Variants in PTPN2 observed in about 807,000 individuals in gnomAD.
PTPN2 encodes the protein protein tyrosine phosphatase non-receptor type 2, also known as tyrosine-protein phosphatase non-receptor type 2.
A neutral mutation model predicts 57.3 loss-of-function variants in PTPN2; 19 were observed. The ratio of observed to expected loss-of-function variants is 0.33; its 90% confidence interval spans 0.23 to 0.49. The LOEUF is 0.49. PTPN2 is among the 20% of genes least tolerant of loss of function. The pLI, the probability that PTPN2 is intolerant of heterozygous loss-of-function variation, is 0.99. For synonymous variants in PTPN2, 153 were observed against 164.9 expected (o/e 0.93, Z 0.55); for missense variants, 358 against 501.1 (o/e 0.71, Z 2.73).
chr18:12,816,477 A>G (rs1420194039), intron 6 of PTPN2, among the ~76,000 whole-genome samples: 1 of 152,210 alleles, frequency 6.6e-6, no homozygotes, highest in Admixed American at 6.5e-5. Flanking sequence ...TGATCCTATA[A>G]TAAGAGGAAG....
At chr18:12,873,500 G>A (rs976178440) in intron 1 of PTPN2, among the ~76,000 whole-genome samples, 2 of 152,222 alleles carry the variant, frequency 1.3e-5, no homozygotes, top group Non-Finnish European at 2.9e-5. Context: ...GTGTTGGCCG[G>A]GCTGGCCTCC....
intron 2 of PTPN2, chr18:12,840,730 G>A: frequency 6.3e-7 from 1 of 1,598,450 alleles, no homozygotes; most frequent in Non-Finnish European, 8.5e-7. Context: ...CCTGCATTCT[G>A]CATTCCATGT....
In PTPN2 at chr18:12,794,311, G is replaced by T; in HGVS notation, c.1215C>A (p.Gly405=). Residue 405 remains glycine, a synonymous_variant, in exon 9 of 9, where the codon GGC becomes GGA. Coordinates refer to ENST00000309660, the MANE Select transcript of PTPN2 (RefSeq NM_002828.4). The part of the protein sequence containing the change: ...MSVILVGAFV[G]WTLFFQQNAL ...CATTTTGCTGAAAAAACAGTGTCCA[G>T]CCAACAAAAGCGCCAACCAAAATGA... 1 of 1,614,142 alleles carries T rather than the reference G, an allele frequency of 6.2e-7. No homozygotes were observed. The highest frequency in any genetic ancestry group is 8.5e-7 in the Non-Finnish European group (1 of 1,180,006).
chr18:12,872,544 GACAA>G (rs2044303981), intron 1 of PTPN2, among the ~76,000 whole-genome samples: 1 of 152,154 alleles, frequency 6.6e-6, no homozygotes, highest in Non-Finnish European at 1.5e-5. Flanking sequence ...TTTGTTTTGA[GACAA>G]ACAGTGCTGG....
At chr18:12,788,078 C>A (rs2040886678), downstream of PTPN2, 1 of 154,792 alleles carries the variant, frequency 6.5e-6, no homozygotes. Context: ...GGTTCCCGCT[C>A]CTGAATTAAC....
At position 12,794,080 on chromosome 18, in the gene PTPN2, A is replaced by G; in HGVS notation, c.*198T>C. On this transcript the variant is annotated 3_prime_UTR_variant, in exon 9 of 9. Transcript: ENST00000309660. ...ATGTCTTTATTTTAGACAGCCATTT[A>G]CAGTTTGGGGTTCAGAGGAACCTGC... is the stretch of plus-strand genomic sequence containing the variant. 7.0e-7 allele frequency: 1 copy of G among 1,426,512 alleles called. No homozygotes were observed. 88.4% of individuals were successfully genotyped at this position (1,426,512 alleles called of 1,614,324 possible).
intron 2 of PTPN2, among the ~76,000 whole-genome samples, chr18:12,857,145 T>C (rs1405308011): frequency 1.3e-5 from 2 of 150,868 alleles, no homozygotes; most frequent in South Asian, 2.1e-4. Flanking sequence ...CATCCAATAA[T>C]TGCAATTACA....
At chr18:12,835,805 T>C (rs930471027) in intron 3 of PTPN2, among the ~76,000 whole-genome samples, 50 of 152,298 alleles carry the variant, frequency 3.3e-4, no homozygotes, top group African/African-American at 1.2e-3. Flanking sequence ...GCCCATTCCC[T>C]GGTTACTGAA....
intron 5 of PTPN2, among the ~76,000 whole-genome samples, chr18:12,818,058 C>G (rs1251926388): frequency 6.6e-6 from 1 of 152,142 alleles, no homozygotes. Context: ...AGGAGAATTG[C>G]TTGAACCTGG....
chr18:12,855,154 G>A (rs1473653722), intron 2 of PTPN2, among the ~76,000 whole-genome samples: 2 of 152,192 alleles, frequency 1.3e-5, no homozygotes. Flanking sequence ...ATAAGTTTCA[G>A]TGGGGAGGCT....
At chr18:12,824,737 G>A (rs533578719) in intron 5 of PTPN2, among the ~76,000 whole-genome samples, 2 of 152,164 alleles carry the variant, frequency 1.3e-5, no homozygotes, top group Non-Finnish European at 2.9e-5. Flanking sequence ...AACCCACTAT[G>A]TGTATGTACC....
At chr18:12,820,035 C>T (rs1242348905) in intron 5 of PTPN2, among the ~76,000 whole-genome samples, 6 of 152,222 alleles carry the variant, frequency 3.9e-5, no homozygotes, top group African/African-American at 1.2e-4. Flanking sequence ...CGCACAATTA[C>T]TTCATCAAGT....
At chr18:12,840,575 C>T in intron 2 of PTPN2, 1 of 969,158 alleles carries the variant, frequency 1.0e-6, no homozygotes, top group Non-Finnish European at 1.5e-6. Flanking sequence ...TCACCTCTCT[C>T]AGTCCTCACA....
intron 1 of PTPN2, among the ~76,000 whole-genome samples, chr18:12,869,619 G>A (rs754978622): frequency 2.0e-5 from 3 of 152,014 alleles, no homozygotes; most frequent in East Asian, 1.9e-4. Context: ...ACATTACATC[G>A]TTAGACCAAA....
intron 1 of PTPN2, chr18:12,864,000 T>A (rs1182951698): frequency 6.6e-6 from 1 of 152,142 alleles, no homozygotes; most frequent in African/African-American, 2.4e-5. Flanking sequence ...AAATGTCTAA[T>A]GACAAAGAAA....
At chr18:12,800,108 A>G (rs1375242360) in intron 8 of PTPN2, among the ~76,000 whole-genome samples, 1 of 152,200 alleles carries the variant, frequency 6.6e-6, no homozygotes, top group Non-Finnish European at 1.5e-5. Context: ...GTACAGGCAC[A>G]TAAACACACA....
rs192374802 is a variant in PTPN2, at chr18:12,827,747, C to T, written c.361-1803G>A. Among the ~76,000 whole-genome samples, 47 of 151,246 alleles carry T rather than the reference C, an allele frequency of 3.1e-4. No homozygotes were observed. The East Asian group carries it at 7.2e-3, about 23-fold the overall frequency. ...AAGAGATAAACAGGATTAAAGAGAA[C>T]GTGACAAATAAAAAAGGTAGGCAAA... On this transcript the variant is annotated intron_variant, in intron 4 of 8. Coordinates refer to ENST00000309660, the MANE Select transcript of PTPN2 (RefSeq NM_002828.4).
At chr18:12,847,358 C>T (rs1027998915) in intron 2 of PTPN2, among the ~76,000 whole-genome samples, 2 of 152,202 alleles carry the variant, frequency 1.3e-5, no homozygotes, top group South Asian at 2.1e-4. Flanking sequence ...TGCTATTATT[C>T]GCTCATGAAC....
chr18:12,878,256 G>A (rs2044557496), intron 1 of PTPN2, among the ~76,000 whole-genome samples: 1 of 151,822 alleles, frequency 6.6e-6, no homozygotes, highest in African/African-American at 2.4e-5. Flanking sequence ...GGTCGAGACT[G>A]CAGTGAGCTG....
Sources: gnomAD v4.1 joint callset for allele counts (sites outside exome capture counted in the v4.1 genomes callset) on GRCh38, gnomAD v4.1.1 for gene constraint, MANE v1.5 for transcripts, NCBI Gene and HGNC (gene_info 2026-07-23, HGNC 2026-07-21) for gene names.